PCDHGC3: variants seen among roughly 807,000 people sequenced by gnomAD.
The protein encoded by PCDHGC3 is protocadherin gamma-C3.
Under a neutral mutation model 59.2 loss-of-function variants are expected in PCDHGC3, and 26 were observed. The ratio of observed to expected loss-of-function variants is 0.44; its 90% CI spans 0.32 to 0.61. The LOEUF (loss-of-function observed/expected upper bound fraction) is 0.61. PCDHGC3 is among the 20% of genes least tolerant of loss of function. The pLI is 0.05. For synonymous variants in PCDHGC3, 487 were observed against 519.7 expected (o/e 0.94, Z 0.86); for missense variants, 1,080 against 1,221.8 (o/e 0.88, Z 1.73).
rs770685748 is a variant in PCDHGC3 at position 141,486,601 on chromosome 5, C to T, written c.2430+8055C>T. 9 of 1,613,558 alleles carry T rather than the reference C, an allele frequency of 5.6e-6. No homozygotes were observed. The highest frequency in any genetic ancestry group is 7.6e-6 in the Non-Finnish European group (9 of 1,180,024). On this transcript the variant is annotated intron_variant, in intron 1 of 3. Transcript: ENST00000308177. This position sits in a 1 kb window ranked among gnomAD's most constrained non-coding sequence, Gnocchi z 5.0. ...ATCGCCCAGGGGACCTGCTTTGCTC[C>T]CTTGCAGCCTCTGACCCAGACTCTG...
At chr5:141,494,064 G>T (rs1233070772) in intron 1 of PCDHGC3, among the ~76,000 whole-genome samples, 2 of 152,160 alleles carry the variant, frequency 1.3e-5, no homozygotes, top group South Asian at 2.1e-4. Flanking sequence ...TGTGGGAGCT[G>T]GATCCCTCCC....
intron 2 of PCDHGC3, among the ~76,000 whole-genome samples, chr5:141,500,324 T>G (rs1165047676): frequency 6.6e-6 from 1 of 151,994 alleles, no homozygotes; most frequent in African/African-American, 2.4e-5. Flanking sequence ...TGCTCCTGCC[T>G]CAGCCTCCAG....
chr5:141,477,519 A>C lies in PCDHGC3; in HGVS notation c.1403A>C (p.Glu468Ala), dbSNP rs1255751458. 1 of 1,614,174 alleles carries C rather than the reference A, an allele frequency of 6.2e-7. No individual in the cohort carries two copies. The highest frequency in any genetic ancestry group is 2.2e-5 in the East Asian group (1 of 44,882). ...SQSSYDVYIE[E>A]NNLPGAPILN... Reference sequence around the variant, plus strand: ...TCTTCCTACGACGTTTACATTGAAGAAAACAACCTCCCCGGGGCTCCAATA... The same window carrying C: ...TCTTCCTACGACGTTTACATTGAAGCAAACAACCTCCCCGGGGCTCCAATA... Residue 468 changes from glutamate to alanine, a missense_variant, in exon 1 of 4, where the codon GAA (glutamate) becomes GCA (alanine). Transcript: ENST00000308177. The surrounding 1 kb of genome is among the most constrained non-coding windows in gnomAD (Gnocchi z 4.9).
intron 1 of PCDHGC3, among the ~76,000 whole-genome samples, chr5:141,492,593 A>T (rs907659087): frequency 1.3e-5 from 2 of 152,100 alleles, no homozygotes; most frequent in African/African-American, 4.8e-5. Context: ...GGAGCGCTGG[A>T]GCGACTGCCG....
chr5:141,505,634 A>T, intron 3 of PCDHGC3, 153 bp downstream of exon 3: 6 of 971,426 alleles, frequency 6.2e-6, no homozygotes, highest in Non-Finnish European at 7.3e-6. Context: ...CCAAACATAA[A>T]GCCTGGAATT....
chr5:141,490,004 C>A lies in PCDHGC3; in HGVS notation c.2431-4803C>A. The A allele has an allele frequency of 6.2e-7, 1 of 1,614,174 alleles. No homozygotes were observed. The highest frequency in any genetic ancestry group is 1.7e-5 in the Admixed American group (1 of 60,034). On this transcript the variant is annotated intron_variant, in intron 1 of 3. Transcript: ENST00000308177. The surrounding 1 kb of genome is among the most constrained non-coding windows in gnomAD (Gnocchi z 5.4). ...CTACGTGTGGGAATCCCAGAGAATGCACCCATTGGTACTCTGCTGCTCCGC... is the reference window on the plus strand; with the variant it reads ...CTACGTGTGGGAATCCCAGAGAATGAACCCATTGGTACTCTGCTGCTCCGC...
rs1388608588 is a variant in PCDHGC3 at position 141,481,102 on chromosome 5, A to T, written c.2430+2556A>T. The stretch of plus-strand genomic sequence containing the variant: ...GAAAAAAGAAAAGCAGTACTCTGGA[A>T]CCTACCAATCCATCATTTAGCATAT... On this transcript the variant is annotated intron_variant, in intron 1 of 3. Transcript: ENST00000308177. 3.3e-5 allele frequency among the ~76,000 whole-genome samples: 5 copies of T among 152,288 alleles called. No individual in the cohort carries two copies. The East Asian group carries it at 7.7e-4, about 24-fold the overall frequency.
In PCDHGC3 at chr5:141,490,858, G is replaced by C. The variant is rs775132338; in HGVS notation, c.2431-3949G>C. On this transcript the variant is annotated intron_variant, in intron 1 of 3. Coordinates refer to ENST00000308177, the MANE Select transcript of PCDHGC3 (RefSeq NM_002588.4). The surrounding 1 kb of genome is among the most constrained non-coding windows in gnomAD (Gnocchi z 5.4). ...GATTGTGGTGGGGGTTCGAGACTCC[G>C]GCTCTCCCCCATTGCATGCCAACAC... The C allele has an allele frequency of 1.5e-5, 24 of 1,613,704 alleles. 1 individual carries two copies. Among genetic ancestry groups the C allele is most frequent in the Non-Finnish European group, 2.0e-5 (24 of 1,179,918 alleles).
chr5:141,483,350 G>C (rs2099580423), intron 1 of PCDHGC3, among the ~76,000 whole-genome samples: 4 of 152,172 alleles, frequency 2.6e-5, no homozygotes, highest in Admixed American at 1.3e-4. Flanking sequence ...CTTTGCAATA[G>C]TTTGAAAGCT....
rs558944208 is a variant in PCDHGC3, at chr5:141,478,187, A to G, written c.2071A>G (p.Thr691Ala). The change falls in exon 1 of 4, where the codon ACC (threonine) becomes GCC (alanine). Residue 691 changes from threonine to alanine, a missense_variant. Thr to Ala is a moderately conservative substitution (Grantham distance 58, BLOSUM62 0). Coordinates refer to ENST00000308177, the MANE Select transcript of PCDHGC3 (RefSeq NM_002588.4). ...SAPREQKKNLTFYLLLSLILV... is the reference protein window; with the variant it reads ...SAPREQKKNLAFYLLLSLILV... ...CCCCCGGGAGCAGAAAAAAAATCTC[A>G]CCTTTTATCTACTTCTTTCTCTAAT... is the stretch of plus-strand genomic sequence containing the variant. The G allele has an allele frequency of 2.9e-5, 46 of 1,613,548 alleles. No individual in the cohort carries two copies. The highest frequency in any genetic ancestry group is 3.9e-5 in the Non-Finnish European group (46 of 1,179,954).
At position 141,489,635 on chromosome 5, in the gene PCDHGC3, G is replaced by A. The variant is rs1380466520; in HGVS notation, c.2431-5172G>A. On this transcript the variant is annotated intron_variant, in intron 1 of 3. Coordinates refer to ENST00000308177, the MANE Select transcript of PCDHGC3 (RefSeq NM_002588.4). The surrounding 1 kb of genome is among the most constrained non-coding windows in gnomAD (Gnocchi z 4.5). Reference sequence around the variant, plus strand: ...CTGGATCTCAATGACAACTCTCCTAGCTTTGCCACCCCTGAGCGAGAGATG... The same window carrying A: ...CTGGATCTCAATGACAACTCTCCTAACTTTGCCACCCCTGAGCGAGAGATG... 6.2e-7 allele frequency: 1 copy of A among 1,614,142 alleles called. No individual in the cohort carries two copies. The highest frequency in any genetic ancestry group is 8.5e-7 in the Non-Finnish European group (1 of 1,180,012).
chr5:141,496,077 C>G (rs1269618753), intron 2 of PCDHGC3, among the ~76,000 whole-genome samples: 1 of 152,042 alleles, frequency 6.6e-6, no homozygotes, highest in African/African-American at 2.4e-5. Flanking sequence ...CACACACAAC[C>G]CCCCACCCAC....
chr5:141,498,103 G>C (rs2099781622), intron 2 of PCDHGC3, among the ~76,000 whole-genome samples: 1 of 152,216 alleles, frequency 6.6e-6, no homozygotes. Context: ...GGTGGTGTGG[G>C]CGTATAATAG....
chr5:141,490,862 C>G lies in PCDHGC3; in HGVS notation c.2431-3945C>G. 1 of 1,613,878 alleles carries G rather than the reference C, an allele frequency of 6.2e-7. No homozygotes were observed. Among genetic ancestry groups the G allele is most frequent in the East Asian group, 2.2e-5 (1 of 44,874 alleles). ...GTGGTGGGGGTTCGAGACTCCGGCTCTCCCCCATTGCATGCCAACACATCT... is the reference window on the plus strand; with the variant it reads ...GTGGTGGGGGTTCGAGACTCCGGCTGTCCCCCATTGCATGCCAACACATCT... On this transcript the variant is annotated intron_variant, in intron 1 of 3. Coordinates refer to ENST00000308177, the MANE Select transcript of PCDHGC3 (RefSeq NM_002588.4). The surrounding 1 kb of genome is among the most constrained non-coding windows in gnomAD (Gnocchi z 5.4).
Position 141,486,638 on chromosome 5 carries a change from C to T in PCDHGC3, c.2430+8092C>T, listed in dbSNP as rs753730551. 5.6e-6 allele frequency: 9 copies of T among 1,613,700 alleles called. No homozygotes were observed. In the East Asian group the frequency reaches 8.9e-5, roughly 16 times the overall value. On this transcript the variant is annotated intron_variant, in intron 1 of 3. Coordinates refer to ENST00000308177, the MANE Select transcript of PCDHGC3 (RefSeq NM_002588.4). This position sits in a 1 kb window ranked among gnomAD's most constrained non-coding sequence, Gnocchi z 5.0. The stretch of plus-strand genomic sequence containing the variant: ...TGACCCAGACTCTGGCTTGAATGCG[C>T]TTATCTCCTACTCACTCCTGGAGCC...
chr5:141,496,984 G>C (rs938752499), intron 2 of PCDHGC3, among the ~76,000 whole-genome samples: 1 of 151,896 alleles, frequency 6.6e-6, no homozygotes, highest in Admixed American at 6.6e-5. Context: ...TCAGGGGTTT[G>C]AGACCAGCCT....
rs1031996605 is a variant in PCDHGC3, at chr5:141,487,055, G to C, written c.2431-7752G>C. ...TGCAGTCTCTCGATATGCTGGGGAG[G>C]TGCGGACGGCTGTTCCTATCCCAGC... is the stretch of plus-strand genomic sequence containing the variant. On this transcript the variant is annotated intron_variant, in intron 1 of 3. Transcript: ENST00000308177. The surrounding 1 kb of genome is among the most constrained non-coding windows in gnomAD (Gnocchi z 5.0). The C allele has an allele frequency of 6.2e-7, 1 of 1,614,186 alleles. No individual in the cohort carries two copies. The highest frequency in any genetic ancestry group is 8.5e-7 in the Non-Finnish European group (1 of 1,180,038).
rs373446844 is a variant in PCDHGC3, at chr5:141,486,661, G to A, written c.2430+8115G>A. The A allele has an allele frequency of 3.1e-6, 5 of 1,613,836 alleles. No individual in the cohort carries two copies. In the African/African-American group the frequency reaches 4.0e-5, roughly 13 times the overall value. On this transcript the variant is annotated intron_variant, in intron 1 of 3. Transcript: ENST00000308177. The surrounding 1 kb of genome is among the most constrained non-coding windows in gnomAD (Gnocchi z 5.0). The stretch of plus-strand genomic sequence containing the variant: ...CGCTTATCTCCTACTCACTCCTGGA[G>A]CCCAGGAATCGAGATGTATCAGCTT...
chr5:141,482,429 A>G (rs955366858), intron 1 of PCDHGC3, among the ~76,000 whole-genome samples: 1 of 151,366 alleles, frequency 6.6e-6, no homozygotes, highest in African/African-American at 2.4e-5. Flanking sequence ...AAAAATGATA[A>G]TACTGATATT....
Sources: allele counts gnomAD v4.1 joint callset (sites outside exome capture counted in the v4.1 genomes callset), GRCh38; gene constraint gnomAD v4.1.1; non-coding constraint Gnocchi (gnomAD v3.1); transcripts MANE v1.5; gene names NCBI Gene and HGNC (gene_info 2026-07-23, HGNC 2026-07-21).